The following WDR70 variants were observed in gnomAD, a reference collection of about 807,000 sequenced individuals.
The protein encoded by WDR70 is WD repeat domain 70, also known as WD repeat-containing protein 70.
In WDR70, 53 loss-of-function variants were observed where a neutral mutation model predicts 88.6. That is an observed-to-expected ratio of 0.60 (90% CI 0.48 to 0.75). WDR70 has a LOEUF of 0.75. Among genes scored for constraint, WDR70 ranks in the 30% least tolerant of loss-of-function variants. The pLI, the probability that WDR70 is intolerant of heterozygous loss-of-function variation, is 0.00. For missense variants in WDR70, 610 were observed against 823.2 expected (o/e 0.74, Z 3.17); for synonymous variants, 280 against 270.0 (o/e 1.04, Z -0.36).
In WDR70 at chr5:37,460,831, T is replaced by C. The variant is rs975994766; in HGVS notation, c.686+17459T>C. ...CATGATATCTGAAGCTATTGTGTTA[T>C]GTGCATAAAGGTTCTTGAACTTGGT... On this transcript the variant is annotated intron_variant, in intron 7 of 17. Coordinates refer to ENST00000265107, the MANE Select transcript of WDR70 (RefSeq NM_018034.4). Among the ~76,000 whole-genome samples, 36 of 151,932 alleles carry C rather than the reference T, an allele frequency of 2.4e-4. 1 individual carries two copies. Among genetic ancestry groups the C allele is most frequent in the Admixed American group, 9.8e-4 (15 of 15,276 alleles).
chr5:37,390,616 A>G (rs1748784155), intron 3 of WDR70, among the ~76,000 whole-genome samples: 1 of 151,870 alleles, frequency 6.6e-6, no homozygotes, highest in Non-Finnish European at 1.5e-5. Context: ...CTGGGATTAC[A>G]GGCGTGAGCC....
Position 37,610,744 on chromosome 5 carries a change from A to G in WDR70, c.1092+5506A>G, listed in dbSNP as rs917332639. 1.6e-4 allele frequency among the ~76,000 whole-genome samples: 24 copies of G among 152,208 alleles called. 1 individual carries two copies. The highest frequency in any genetic ancestry group is 8.5e-4 in the Admixed American group (13 of 15,282). ...TGCTACTTTGTATAATGCCCATCAT[A>G]TGGAAGAGTTAGGGAAGGCAGAGGT... On this transcript the variant is annotated intron_variant, in intron 10 of 17. Transcript: ENST00000265107.
chr5:37,456,050 C>T (rs574427381), intron 7 of WDR70, among the ~76,000 whole-genome samples: 5 of 32,988 alleles, frequency 1.5e-4, no homozygotes, highest in Admixed American at 6.5e-4. Context: ...AATAAAGCTT[C>T]TATAAATACT....
intron 9 of WDR70, among the ~76,000 whole-genome samples, chr5:37,588,702 AAG>A (rs1430856697): frequency 6.6e-6 from 1 of 151,840 alleles, no homozygotes; most frequent in Non-Finnish European, 1.5e-5. Flanking sequence ...TCGGCCTCCC[AAG>A]TAGCTGGGAC....
At chr5:37,579,664 A>T (rs769264752) in intron 9 of WDR70, among the ~76,000 whole-genome samples, 16 of 151,560 alleles carry the variant, frequency 1.1e-4, no homozygotes, top group Non-Finnish European at 2.4e-4. Context: ...TTATTGTTTG[A>T]AAAAAAATTG....
intron 10 of WDR70, among the ~76,000 whole-genome samples, chr5:37,658,742 A>G (rs1745623136): frequency 6.6e-6 from 1 of 152,198 alleles, no homozygotes; most frequent in South Asian, 2.1e-4. Flanking sequence ...GAATGAGTTA[A>G]TGAATAATAC....
chr5:37,533,753 C>G (rs1034015567), intron 9 of WDR70, among the ~76,000 whole-genome samples: 1 of 152,088 alleles, frequency 6.6e-6, no homozygotes, highest in African/African-American at 2.4e-5. Flanking sequence ...ATGGCTGCCT[C>G]TGCTGAGTTA....
At chr5:37,414,598 T>C (rs1302715362) in intron 5 of WDR70, among the ~76,000 whole-genome samples, 1 of 147,190 alleles carries the variant, frequency 6.8e-6, no homozygotes, top group African/African-American at 2.6e-5. Flanking sequence ...ATGAGGACAG[T>C]CTGTTTTTTT....
At chr5:37,624,883 C>T (rs1291766681) in intron 10 of WDR70, among the ~76,000 whole-genome samples, 1 of 152,162 alleles carries the variant, frequency 6.6e-6, no homozygotes, top group Non-Finnish European at 1.5e-5. Flanking sequence ...ACAAGACCCT[C>T]TCTAGAGTGG....
intron 9 of WDR70, among the ~76,000 whole-genome samples, chr5:37,519,507 C>T (rs77475016): frequency 5.0e-5 from 7 of 140,128 alleles, no homozygotes; most frequent in Non-Finnish European, 9.1e-5. Context: ...GGCGGCCGGG[C>T]GGAGGCGCTC....
chr5:37,409,952 C>T (rs1749471228), intron 5 of WDR70, among the ~76,000 whole-genome samples: 1 of 152,142 alleles, frequency 6.6e-6, no homozygotes. Flanking sequence ...TCTTTCATCA[C>T]AATAGGCAAA....
chr5:37,469,082 C>T (rs1005768453), intron 7 of WDR70, among the ~76,000 whole-genome samples: 7 of 152,094 alleles, frequency 4.6e-5, no homozygotes, highest in African/African-American at 4.8e-5. Context: ...TGGTAAGTAC[C>T]GTGGAGAAGT....
intron 10 of WDR70, among the ~76,000 whole-genome samples, chr5:37,647,043 T>G (rs547075637): frequency 1.7e-4 from 26 of 152,330 alleles, no homozygotes; most frequent in Non-Finnish European, 3.2e-4. Flanking sequence ...CTTATAGGTA[T>G]GCTTCATTCT....
chr5:37,534,216 A>T (rs1336762868), intron 9 of WDR70, among the ~76,000 whole-genome samples: 5 of 152,200 alleles, frequency 3.3e-5, no homozygotes, highest in African/African-American at 1.2e-4. Flanking sequence ...TGCCTGTCTG[A>T]GCGGGAGCTG....
chr5:37,566,297 T>C (rs947603645), intron 9 of WDR70, among the ~76,000 whole-genome samples: 2 of 96,772 alleles, frequency 2.1e-5, no homozygotes, highest in Non-Finnish European at 5.6e-5. Flanking sequence ...TTTATTTTCC[T>C]CCTGTGATAA....
At chr5:37,576,568 A>C (rs1743060968) in intron 9 of WDR70, among the ~76,000 whole-genome samples, 2 of 152,322 alleles carry the variant, frequency 1.3e-5, no homozygotes, top group African/African-American at 4.8e-5. Context: ...AGGACATTAG[A>C]ACAACTAGGC....
At chr5:37,526,599 T>A (rs1165970580) in intron 9 of WDR70, among the ~76,000 whole-genome samples, 2 of 152,094 alleles carry the variant, frequency 1.3e-5, no homozygotes, top group African/African-American at 4.8e-5. Flanking sequence ...CTCTCACCAC[T>A]CCTATTCAAC....
At chr5:37,668,213 A>G (rs1378553791) in intron 10 of WDR70, among the ~76,000 whole-genome samples, 1 of 152,182 alleles carries the variant, frequency 6.6e-6, no homozygotes, top group Non-Finnish European at 1.5e-5. Flanking sequence ...ATATCATATG[A>G]AATTCTGTGT....
intron 3 of WDR70, among the ~76,000 whole-genome samples, chr5:37,387,630 T>G (rs991930835): frequency 1.7e-4 from 25 of 142,976 alleles, no homozygotes; most frequent in African/African-American, 6.5e-4. Flanking sequence ...CATCATTATA[T>G]GGGAAGTTAT....
Sources: gnomAD v4.1 joint callset for allele counts (sites outside exome capture counted in the v4.1 genomes callset) on GRCh38, gnomAD v4.1.1 for gene constraint, MANE v1.5 for transcripts, NCBI Gene and HGNC (gene_info 2026-07-23, HGNC 2026-07-21) for gene names.